TPR: variants seen among roughly 807,000 people sequenced by gnomAD.
The protein encoded by TPR is nucleoprotein TPR.
TPR carries 51 observed loss-of-function variants against 316.1 expected under a neutral mutation model. The observed-to-expected ratio is 0.16, with a 90% CI of 0.13 to 0.20. TPR has a LOEUF of 0.20. Ranked by LOEUF, TPR falls within the 10% of genes least tolerant of loss-of-function variation. TPR has a pLI of 1.00. For missense variants in TPR, 2,272 were observed against 2,754.8 expected, an observed-to-expected ratio of 0.82 and a Z score of 3.92; for synonymous variants, 981 against 914.7, an observed-to-expected ratio of 1.07 and a Z score of -1.31.
intron 1 of TPR, 83 bp from the exon 2 acceptor site, chr1:186,373,546 C>A (rs1659595526): frequency 1.3e-6 from 1 of 785,610 alleles, no homozygotes; most frequent in African/African-American, 1.7e-5. Flanking sequence ...TTCTAATAAC[C>A]TTGATTTTAA....
At position 186,326,672 on chromosome 1, in the gene TPR, A is replaced by C. The variant is rs902656587; in HGVS notation, c.5890-437T>G. Among the ~76,000 whole-genome samples, 9 of 151,850 alleles carry C rather than the reference A, an allele frequency of 5.9e-5. No homozygotes were observed. In the East Asian group the frequency reaches 1.7e-3, roughly 29 times the overall value. ...AACAATTTGACCTTATATATATAAA[A>C]TACACTTTATATATAAAAAAATGAC... On this transcript the variant is annotated intron_variant, in intron 40 of 50. Coordinates refer to ENST00000367478, the MANE Select transcript of TPR (RefSeq NM_003292.3).
At chr1:186,326,023 C>T in intron 41 of TPR, 81 bp downstream of exon 41, 1 of 1,586,418 alleles carries the variant, frequency 6.3e-7, no homozygotes, top group Non-Finnish European at 8.6e-7. Flanking sequence ...ATTTCATAAG[C>T]CTTTCTATAT....
chr1:186,349,225 C>T (rs1175536280), intron 21 of TPR, among the ~76,000 whole-genome samples: 1 of 152,184 alleles, frequency 6.6e-6, no homozygotes, highest in African/African-American at 2.4e-5. Flanking sequence ...TTGAGTATTG[C>T]ATGTAATTTA....
chr1:186,321,388 A>G (rs1388110643), intron 45 of TPR, among the ~76,000 whole-genome samples: 1 of 152,236 alleles, frequency 6.6e-6, no homozygotes, highest in Non-Finnish European at 1.5e-5. Context: ...ATACTTTCAC[A>G]CGGAGAGCCT....
chr1:186,374,619 C>T (rs1659648539), intron 1 of TPR, among the ~76,000 whole-genome samples: 1 of 152,216 alleles, frequency 6.6e-6, no homozygotes, highest in African/African-American at 2.4e-5. Context: ...TCCCGTCTGC[C>T]GGACGAAGGA....
chr1:186,339,936 T>G (rs916566194), intron 29 of TPR, among the ~76,000 whole-genome samples, 164 bp from the exon 30 acceptor site: 1 of 152,140 alleles, frequency 6.6e-6, no homozygotes, highest in African/African-American at 2.4e-5. Flanking sequence ...CTTTGGCTTG[T>G]TTGGCTAAGA....
Position 186,312,919 on chromosome 1 carries a change from C to T in TPR, c.*1052G>A. ...GGTAAGGTATTAACTAACAGTTTCC[C>T]AAGGAGGTGATATCATTTGTGAAAA... On this transcript the variant is annotated 3_prime_UTR_variant, in exon 51 of 51. Coordinates refer to ENST00000367478, the MANE Select transcript of TPR (RefSeq NM_003292.3). The T allele has an allele frequency of 6.3e-7, 1 of 1,598,712 alleles. No individual in the cohort carries two copies. Among genetic ancestry groups the T allele is most frequent in the Non-Finnish European group, 8.6e-7 (1 of 1,166,216 alleles).
chr1:186,342,307 G>T (rs1468695039), intron 27 of TPR: 2 of 141,830 alleles, frequency 1.4e-5, no homozygotes, highest in African/African-American at 5.3e-5. Flanking sequence ...TATGTTACTT[G>T]TTGACTCTCT....
At chr1:186,335,813 C>T (rs1050978429) in intron 33 of TPR, among the ~76,000 whole-genome samples, 10 of 151,930 alleles carry the variant, frequency 6.6e-5, no homozygotes, top group Non-Finnish European at 1.2e-4. Flanking sequence ...AACAGAAGCC[C>T]GTTTATATTT....
chr1:186,313,556 A>T lies in TPR; in HGVS notation c.*415T>A. The T allele has an allele frequency of 1.6e-6, 1 of 639,910 alleles. No individual in the cohort carries two copies. Among genetic ancestry groups the T allele is most frequent in the Non-Finnish European group, 2.8e-6 (1 of 361,258 alleles). 39.6% of individuals were successfully genotyped at this position (639,910 alleles called of 1,614,324 possible). On this transcript the variant is annotated 3_prime_UTR_variant, in exon 51 of 51. Coordinates refer to ENST00000367478, the MANE Select transcript of TPR (RefSeq NM_003292.3). ...TCTTTTTGTTATAAAGTTCAAATTA[A>T]TTAGTAAAAACATCTCTATTAAAAT... is the stretch of plus-strand genomic sequence containing the variant.
At chr1:186,318,347 A>G (rs996604320) in intron 48 of TPR, 100 bp downstream of exon 48, 2 of 1,473,552 alleles carry the variant, frequency 1.4e-6, no homozygotes, top group South Asian at 2.8e-5. Context: ...AACAAAAAAA[A>G]ACAAAACACA....
intron 35 of TPR, 95 bp downstream of exon 35, chr1:186,334,972 GA>G: frequency 7.9e-7 from 1 of 1,259,014 alleles, no homozygotes; most frequent in Non-Finnish European, 1.1e-6. Context: ...TTTTACAATA[GA>G]ATACACAGAT....
chr1:186,356,475 C>A, intron 14 of TPR, 26 bp from the exon 15 acceptor site: 1 of 1,575,108 alleles, frequency 6.3e-7, no homozygotes, highest in East Asian at 2.3e-5. Flanking sequence ...GCCTAATTCA[C>A]AGGACTGAAC....
chr1:186,337,919 T>C (rs1658388493), intron 31 of TPR, 114 bp downstream of exon 31: 2 of 841,138 alleles, frequency 2.4e-6, no homozygotes, highest in African/African-American at 1.7e-5. Flanking sequence ...AGATATCATA[T>C]ATGCTTACAC....
chr1:186,354,099 A>T (rs1658951739), intron 17 of TPR, among the ~76,000 whole-genome samples: 1 of 152,150 alleles, frequency 6.6e-6, no homozygotes, highest in Admixed American at 6.5e-5. Context: ...CAGCATGCTT[A>T]TGTAAAATTA....
intron 45 of TPR, 120 bp downstream of exon 45, chr1:186,322,198 A>T: frequency 1.1e-6 from 1 of 911,408 alleles, no homozygotes; most frequent in Non-Finnish European, 1.7e-6. Context: ...CCAAGTACTT[A>T]TTAGTACATA....
At chr1:186,358,909 G>C (rs573782022) in intron 12 of TPR, among the ~76,000 whole-genome samples, 2 of 152,144 alleles carry the variant, frequency 1.3e-5, no homozygotes, top group South Asian at 4.1e-4. Context: ...TGGATCCAAG[G>C]GCTCTCTTGC....
Position 186,344,569 on chromosome 1 carries a change from C to A in TPR, c.3223G>T (p.Ala1075Ser). 6.5e-7 allele frequency: 1 copy of A among 1,528,540 alleles called. No homozygotes were observed. The highest frequency in any genetic ancestry group is 8.8e-7 in the Non-Finnish European group (1 of 1,140,842). The allele number at this position is 1,528,540 out of a possible 1,614,324, so 94.7% of individuals were successfully genotyped here. ...RRDCQEQAKI[A>S]VEAQNKYERE... ...TCATACTTATTCTGAGCTTCCACAG[C>A]TATTTTAGCCTATAAGAAATTATTA... The change falls in exon 25 of 51, where the codon GCT (alanine) becomes TCT (serine). Residue 1075 changes from alanine to serine, a missense_variant. Transcript: ENST00000367478.
Position 186,362,897 on chromosome 1 carries a change from T to C in TPR, c.636A>G (p.Gly212=), listed in dbSNP as rs200563798. The C allele has an allele frequency of 2.4e-5, 38 of 1,611,402 alleles. No homozygotes were observed. Among genetic ancestry groups the C allele is most frequent in the Non-Finnish European group, 3.1e-5 (37 of 1,178,904 alleles). ...KTKTDELLAL[G]REKGNEILEL... is the part of the protein sequence containing the mutation. ...CTAGAATCTCATTCCCTTTTTCTCTTCCAAGAGCCAGAAGTTCATCAGTTT... is the reference window on the plus strand; with the variant it reads ...CTAGAATCTCATTCCCTTTTTCTCTCCCAAGAGCCAGAAGTTCATCAGTTT... Residue 212 remains glycine (G), a synonymous_variant, in exon 6 of 51, where the codon GGA becomes GGG. Coordinates refer to ENST00000367478, the MANE Select transcript of TPR (RefSeq NM_003292.3).
Sources: allele counts gnomAD v4.1 joint callset (sites outside exome capture counted in the v4.1 genomes callset), GRCh38; gene constraint gnomAD v4.1.1; transcripts MANE v1.5; gene names NCBI Gene and HGNC (gene_info 2026-07-23, HGNC 2026-07-21).